The following MPDZ variants were observed in gnomAD, a reference collection of about 807,000 sequenced individuals.
The protein encoded by MPDZ is multiple PDZ domain crumbs cell polarity complex component.
Under a neutral mutation model 239.1 loss-of-function variants are expected in MPDZ, and 234 were observed. The ratio of observed to expected loss-of-function variants is 0.98; its 90% CI spans 0.88 to 1.09. The LOEUF (loss-of-function observed/expected upper bound fraction) is 1.09. MPDZ is among the 50% of genes least tolerant of loss of function. The probability of loss-of-function intolerance (pLI) is 0.00; values close to 1 mark genes in which losing one functional copy is unlikely to be tolerated. For missense variants in MPDZ, 3,175 were observed against 2,510.0 expected (o/e 1.26, Z -5.66); for synonymous variants, 1,048 against 881.3 (o/e 1.19, Z -3.35).
intron 1 of MPDZ, among the ~76,000 whole-genome samples, chr9:13,263,179 GAAGA>G (rs1194908722): frequency 6.6e-6 from 1 of 152,094 alleles, no homozygotes; most frequent in Non-Finnish European, 1.5e-5. Context: ...TGAGACAAGA[GAAGA>G]AACAAGACTG....
At chr9:13,192,034 A>T in intron 15 of MPDZ, 97 bp downstream of exon 15, 2 of 1,136,972 alleles carry the variant, frequency 1.8e-6, no homozygotes, top group Non-Finnish European at 2.3e-6. Flanking sequence ...CGATGTGAGT[A>T]AATCAAATAC....
At chr9:13,125,930 C>T (rs1407790131) in intron 34 of MPDZ, among the ~76,000 whole-genome samples, 1 of 152,136 alleles carries the variant, frequency 6.6e-6, no homozygotes, top group Non-Finnish European at 1.5e-5. Flanking sequence ...CTTTAAGCTT[C>T]TTACTGTACA....
intron 1 of MPDZ, among the ~76,000 whole-genome samples, chr9:13,272,399 A>T (rs1285106896): frequency 6.6e-6 from 1 of 152,188 alleles, no homozygotes; most frequent in Non-Finnish European, 1.5e-5. Context: ...TATATATTCA[A>T]TAGATTAAAT....
intron 22 of MPDZ, chr9:13,165,544 C>G (rs2133794662): frequency 1.1e-6 from 1 of 906,898 alleles, no homozygotes; most frequent in Non-Finnish European, 1.6e-6. Flanking sequence ...CCCCTTTCCA[C>G]CTCCCTCCCA....
At chr9:13,146,625 G>A (rs1000745714) in intron 26 of MPDZ, among the ~76,000 whole-genome samples, 2 of 151,988 alleles carry the variant, frequency 1.3e-5, no homozygotes, top group Admixed American at 1.3e-4. Flanking sequence ...ATCCAAAAAA[G>A]GAGTCTGTAA....
At chr9:13,250,397 T>A (rs1967621370) in intron 1 of MPDZ, 25 bp from the exon 2 acceptor site, 2 of 1,236,532 alleles carry the variant, frequency 1.6e-6, no homozygotes, top group Non-Finnish European at 2.3e-6. Context: ...AATAGAATGG[T>A]TATGTTTTAT....
chr9:13,163,833 A>G (rs976173124), intron 22 of MPDZ, among the ~76,000 whole-genome samples: 5 of 152,180 alleles, frequency 3.3e-5, no homozygotes, highest in Non-Finnish European at 7.3e-5. Context: ...ATTTATACCA[A>G]TGTCATAATT....
At chr9:13,226,817 T>C (rs1461664339) in intron 3 of MPDZ, among the ~76,000 whole-genome samples, 1 of 152,138 alleles carries the variant, frequency 6.6e-6, no homozygotes, top group East Asian at 1.9e-4. Flanking sequence ...GAAGAATGCC[T>C]TATACAGAGT....
intron 14 of MPDZ, among the ~76,000 whole-genome samples, 155 bp downstream of exon 14, chr9:13,193,012 C>T (rs138543674): frequency 6.6e-6 from 1 of 152,206 alleles, no homozygotes; most frequent in African/African-American, 2.4e-5. Flanking sequence ...TACACAGATA[C>T]AAAATTTCTG....
intron 7 of MPDZ, 45 bp from the exon 8 acceptor site, chr9:13,219,813 T>C (rs756272805): frequency 7.7e-6 from 12 of 1,563,898 alleles, no homozygotes; most frequent in Non-Finnish European, 1.1e-5. Flanking sequence ...TTATTTTAAC[T>C]GCAACAGATA....
At chr9:13,173,306 T>C (rs564815957) in intron 21 of MPDZ, among the ~76,000 whole-genome samples, 2 of 152,186 alleles carry the variant, frequency 1.3e-5, no homozygotes, top group Admixed American at 6.6e-5. Context: ...AAAAAATCAA[T>C]GTATCTTGAC....
At chr9:13,272,639 C>T (rs1973250763) in intron 1 of MPDZ, among the ~76,000 whole-genome samples, 1 of 149,310 alleles carries the variant, frequency 6.7e-6, no homozygotes, top group African/African-American at 2.5e-5. Flanking sequence ...GGGGAGATCA[C>T]CTGACCTGAG....
At chr9:13,257,556 G>C (rs935043949) in intron 1 of MPDZ, among the ~76,000 whole-genome samples, 1 of 152,040 alleles carries the variant, frequency 6.6e-6, no homozygotes, top group Admixed American at 6.6e-5. Context: ...ACTTTGTACA[G>C]AAGAAGAGGA....
chr9:13,171,798 C>T (rs1215039634), intron 21 of MPDZ, among the ~76,000 whole-genome samples: 2 of 152,070 alleles, frequency 1.3e-5, no homozygotes, highest in Non-Finnish European at 2.9e-5. Flanking sequence ...TTCTTCTGGT[C>T]ATCACTAGAC....
chr9:13,277,194 T>G (rs954046567), intron 1 of MPDZ, among the ~76,000 whole-genome samples: 1 of 150,556 alleles, frequency 6.6e-6, no homozygotes, highest in Non-Finnish European at 1.5e-5. Context: ...TGACTAAAGA[T>G]CCCTCCCTTT....
rs1468058098 is a variant in MPDZ, at chr9:13,115,975, C to T, written c.5380-641G>A. On this transcript the variant is annotated intron_variant, in intron 39 of 46. Transcript: ENST00000319217. ...CAAAAAAAAAAAAAAAAAAAAAAAG[C>T]GAACACAATAAAACCACCACTACCA... Among the ~76,000 whole-genome samples the T allele has an allele frequency of 2.2e-5, 3 of 134,022 alleles. No individual in the cohort carries two copies. The South Asian group carries it at 7.1e-4, about 32-fold the overall frequency. 87.9% of individuals were successfully genotyped at this position (134,022 alleles called of 152,430 possible).
intron 10 of MPDZ, 57 bp from the exon 11 acceptor site, chr9:13,206,156 T>C (rs1564027530): frequency 1.4e-6 from 2 of 1,464,006 alleles, no homozygotes; most frequent in Non-Finnish European, 1.8e-6. Flanking sequence ...ATATTTGTAT[T>C]ACCAATTCAC....
intron 10 of MPDZ, among the ~76,000 whole-genome samples, chr9:13,211,006 T>A (rs555907555): frequency 7.2e-5 from 11 of 152,030 alleles, no homozygotes; most frequent in Non-Finnish European, 1.2e-4. Flanking sequence ...AAATAAGGTG[T>A]GGGCAGAAAA....
At chr9:13,246,239 G>A (rs936518611) in intron 3 of MPDZ, among the ~76,000 whole-genome samples, 1 of 151,998 alleles carries the variant, frequency 6.6e-6, no homozygotes, top group Non-Finnish European at 1.5e-5. Context: ...TTTGAGGTCA[G>A]GAGACCAGCC....
Sources: allele counts gnomAD v4.1 joint callset (sites outside exome capture counted in the v4.1 genomes callset), GRCh38; gene constraint gnomAD v4.1.1; transcripts MANE v1.5; gene names NCBI Gene and HGNC (gene_info 2026-07-23, HGNC 2026-07-21).